The following FRMD3 variants were observed in gnomAD, a reference collection of about 807,000 sequenced individuals.
FRMD3 encodes the protein FERM domain containing 3.
Under a neutral mutation model 70.2 loss-of-function variants are expected in FRMD3, and 33 were observed. The observed-to-expected ratio is 0.47, with a 90% CI of 0.36 to 0.63. The LOEUF (loss-of-function observed/expected upper bound fraction) is 0.63. Ranked by LOEUF, FRMD3 falls within the 20% of genes least tolerant of loss-of-function variation. The pLI, the probability that FRMD3 is intolerant of heterozygous loss-of-function variation, is 0.00. For missense variants in FRMD3, 632 were observed against 711.4 expected (o/e 0.89, Z 1.27); for synonymous variants, 279 against 255.9 (o/e 1.09, Z -0.86).
At chr9:83,420,488 C>T (rs1826600366) in intron 1 of FRMD3, among the ~76,000 whole-genome samples, 1 of 152,194 alleles carries the variant, frequency 6.6e-6, no homozygotes, top group Non-Finnish European at 1.5e-5. Context: ...TCCCACCCCT[C>T]TCCTAATGGC....
Position 83,245,767 on chromosome 9 carries a change from A to C in FRMD3, c.*2151T>G. ...GATCAGAAGGGGACTAATTTTGTGC[A>C]GACTACACTAAAGTTGCCTTATGTC... On this transcript the variant is annotated 3_prime_UTR_variant, in exon 14 of 14. Coordinates refer to ENST00000304195, the MANE Select transcript of FRMD3 (RefSeq NM_174938.6). 1 of 984,794 alleles carries C rather than the reference A, an allele frequency of 1.0e-6. No individual in the cohort carries two copies. The highest frequency in any genetic ancestry group is 4.7e-5 in the South Asian group (1 of 21,276). 61.0% of individuals were successfully genotyped at this position (984,794 alleles called of 1,614,324 possible).
At chr9:83,423,132 G>A (rs1446209021) in intron 1 of FRMD3, among the ~76,000 whole-genome samples, 1 of 152,250 alleles carries the variant, frequency 6.6e-6, no homozygotes, top group Non-Finnish European at 1.5e-5. Flanking sequence ...GAGCAAGGTA[G>A]AGCAGTATGT....
At chr9:83,358,228 A>G (rs1824467399) in intron 3 of FRMD3, among the ~76,000 whole-genome samples, 1 of 152,148 alleles carries the variant, frequency 6.6e-6, no homozygotes, top group African/African-American at 2.4e-5. Context: ...TGCTTTGTTG[A>G]TCAGTTGGCT....
intron 1 of FRMD3, chr9:83,467,713 T>C: frequency 6.5e-7 from 1 of 1,533,406 alleles, no homozygotes; most frequent in Non-Finnish European, 8.7e-7. Context: ...TACTGCCATC[T>C]CGTCTTCTGT....
At chr9:83,338,903 C>T (rs1823665277) in intron 5 of FRMD3, among the ~76,000 whole-genome samples, 1 of 152,182 alleles carries the variant, frequency 6.6e-6, no homozygotes, top group Non-Finnish European at 1.5e-5. Flanking sequence ...CCTTTACACA[C>T]ATACACGCTT....
chr9:83,342,359 C>A (rs188702906), intron 5 of FRMD3, among the ~76,000 whole-genome samples: 1 of 152,174 alleles, frequency 6.6e-6, no homozygotes, highest in African/African-American at 2.4e-5. Flanking sequence ...GGAAAAAGAA[C>A]AGTAGTCACT....
chr9:83,462,916 ACTT>A (rs1828015862), intron 1 of FRMD3, among the ~76,000 whole-genome samples: 1 of 152,172 alleles, frequency 6.6e-6, no homozygotes, highest in African/African-American at 2.4e-5. Flanking sequence ...CATAAAATTG[ACTT>A]CATTAAAAAA....
chr9:83,442,159 C>T (rs7023259), intron 1 of FRMD3, among the ~76,000 whole-genome samples: 87,089 of 151,842 alleles, frequency 0.57, 26,124 homozygotes, highest in African/African-American at 0.77. Flanking sequence ...ACAGCTACCA[C>T]TGGTGAGAGT....
intron 1 of FRMD3, among the ~76,000 whole-genome samples, chr9:83,433,763 A>G (rs1827050290): frequency 6.6e-6 from 1 of 152,172 alleles, no homozygotes; most frequent in South Asian, 2.1e-4. Context: ...CACAGTCCAC[A>G]ATAGGGTCTG....
At chr9:83,453,318 C>T (rs1182176487) in intron 1 of FRMD3, among the ~76,000 whole-genome samples, 3 of 152,122 alleles carry the variant, frequency 2.0e-5, no homozygotes, top group Non-Finnish European at 4.4e-5. Flanking sequence ...TATGTCTACG[C>T]TTTATTATAT....
chr9:83,360,066 A>G (rs1443258354), intron 3 of FRMD3, among the ~76,000 whole-genome samples: 2 of 152,192 alleles, frequency 1.3e-5, no homozygotes, highest in African/African-American at 4.8e-5. Context: ...ACAGGTGTGT[A>G]TATGAAGAGA....
chr9:83,546,222 C>T, the FRMD3 span, among the ~76,000 whole-genome samples: 9 of 152,148 alleles, frequency 5.9e-5, no homozygotes, highest in Admixed American at 3.3e-4. Flanking sequence ...CCAGGCATGG[C>T]GGTAAGCCCC....
chr9:83,463,867 G>A (rs1435444957), intron 1 of FRMD3, among the ~76,000 whole-genome samples: 1 of 152,134 alleles, frequency 6.6e-6, no homozygotes, highest in Non-Finnish European at 1.5e-5. Flanking sequence ...CTTCTGCCAG[G>A]CAGGGCAAGG....
rs772773617 is a variant in FRMD3 at position 83,343,244 on chromosome 9, G to A, written c.418C>T (p.Arg140Cys). 2.7e-5 allele frequency: 43 copies of A among 1,613,780 alleles called. No individual in the cohort carries two copies. In the Admixed American group the frequency reaches 3.3e-4, roughly 13 times the overall value. The change falls in exon 5 of 14, where the codon CGC becomes TGC. Residue 140 changes from arginine to cysteine, a missense_variant. By Grantham distance (180) the Arg-to-Cys change is radical (BLOSUM62 -3). This residue lies in a region of FRMD3 where 208 missense variants were observed against 247.7 expected (regional missense o/e 0.84). Coordinates refer to ENST00000304195, the MANE Select transcript of FRMD3 (RefSeq NM_174938.6). Reference sequence around the variant, plus strand: ...GCATCAGAAAAGGAGCACAGCAGGCGGCCATGAAAAATGTCCCTTTTAATC... The same window carrying A: ...GCATCAGAAAAGGAGCACAGCAGGCAGCCATGAAAAATGTCCCTTTTAATC... ...LQIKRDIFHGRLLCSFSDAAY... is the reference protein window; with the variant it reads ...LQIKRDIFHGCLLCSFSDAAY...
Position 83,538,262 on chromosome 9 carries a change from C to T in FRMD3, c.-31G>A, listed in dbSNP as rs1249384578. On this transcript the variant is annotated 5_prime_UTR_variant, in exon 1 of 14. Transcript: ENST00000304195. The surrounding 1 kb of genome is among the most constrained non-coding windows in gnomAD (Gnocchi z 4.7). The stretch of plus-strand genomic sequence containing the variant: ...GCGGCCGTGGGGAGCGAGCGGGAGG[C>T]TCAGGGCCGGCGCGGTGCTCGCCTG... The T allele has an allele frequency of 1.9e-6, 3 of 1,540,430 alleles. No homozygotes were observed. The highest frequency in any genetic ancestry group is 2.6e-6 in the Non-Finnish European group (3 of 1,142,978).
chr9:83,247,044 T>G lies in FRMD3; in HGVS notation c.*874A>C. 2.0e-6 allele frequency: 2 copies of G among 985,414 alleles called. No homozygotes were observed. Among genetic ancestry groups the G allele is most frequent in the Non-Finnish European group, 2.4e-6 (2 of 829,918 alleles). The allele number at this position is 985,414 out of a possible 1,614,324, so 61.0% of individuals were successfully genotyped here. ...TTTTTTCCTTTAAACTCTCACTTTC[T>G]TTTTAAAACATCTGCTTCTCCAGCC... On this transcript the variant is annotated 3_prime_UTR_variant, in exon 14 of 14. Coordinates refer to ENST00000304195, the MANE Select transcript of FRMD3 (RefSeq NM_174938.6).
At chr9:83,403,097 T>A (rs1464075220) in intron 1 of FRMD3, among the ~76,000 whole-genome samples, 3 of 151,580 alleles carry the variant, frequency 2.0e-5, no homozygotes, top group Non-Finnish European at 4.4e-5. Flanking sequence ...AGAGACGGGG[T>A]TTCATCATAT....
chr9:83,536,942 A>AAAAAAAAAAAAC (rs1829907402), intron 1 of FRMD3, among the ~76,000 whole-genome samples: 1 of 150,572 alleles, frequency 6.6e-6, no homozygotes, highest in Non-Finnish European at 1.5e-5. Context: ...AAAAAAAAAA[A>AAAAAAAAAAAAC]AAAAAAAAAA....
chr9:83,574,507 T>A, the FRMD3 span, among the ~76,000 whole-genome samples: 1 of 152,212 alleles, frequency 6.6e-6, no homozygotes, highest in African/African-American at 2.4e-5. Context: ...TTCATCACCT[T>A]TAAAGTCCTA....
Sources: allele counts gnomAD v4.1 joint callset (sites outside exome capture counted in the v4.1 genomes callset), GRCh38; gene constraint gnomAD v4.1.1; regional missense constraint gnomAD v4.1.1; non-coding constraint Gnocchi (gnomAD v3.1); transcripts MANE v1.5; gene names NCBI Gene and HGNC (gene_info 2026-07-23, HGNC 2026-07-21).